The following CNTN5 variants were observed in gnomAD, a reference collection of about 807,000 sequenced individuals.
The protein encoded by CNTN5 is contactin-5.
Under a neutral mutation model 129.1 loss-of-function variants are expected in CNTN5, and 77 were observed. The observed-to-expected ratio is 0.60, with a 90% CI of 0.50 to 0.72. CNTN5 has a LOEUF of 0.72. Ranked by LOEUF, CNTN5 falls within the 30% of genes least tolerant of loss-of-function variation. The pLI, the probability that CNTN5 is intolerant of heterozygous loss-of-function variation, is 0.00. For missense variants in CNTN5, 1,478 were observed against 1,328.8 expected (o/e 1.11, Z -1.75); for synonymous variants, 509 against 465.6 (o/e 1.09, Z -1.20).
intron 6 of CNTN5, among the ~76,000 whole-genome samples, chr11:99,905,904 C>A (rs974767566): frequency 6.6e-6 from 1 of 152,042 alleles, no homozygotes; most frequent in South Asian, 2.1e-4. Context: ...TTGTAGCAAT[C>A]GTGAATGGAA....
chr11:99,182,464 A>G (rs1858126716), intron 1 of CNTN5, among the ~76,000 whole-genome samples: 2 of 150,728 alleles, frequency 1.3e-5, no homozygotes, highest in Admixed American at 1.3e-4. Flanking sequence ...TTTTTTTTTC[A>G]TAACAATTCA....
At chr11:99,717,714 A>G (rs1468815286) in intron 3 of CNTN5, among the ~76,000 whole-genome samples, 4 of 152,122 alleles carry the variant, frequency 2.6e-5, no homozygotes, top group Non-Finnish European at 4.4e-5. Flanking sequence ...AAGATGATAG[A>G]AAAATGTAAT....
intron 10 of CNTN5, among the ~76,000 whole-genome samples, chr11:100,068,155 T>A (rs970877300): frequency 6.6e-6 from 1 of 152,180 alleles, no homozygotes; most frequent in Non-Finnish European, 1.5e-5. Context: ...GGACACTGTT[T>A]CGCCTAACAT....
intron 6 of CNTN5, among the ~76,000 whole-genome samples, chr11:99,889,325 TGTGTGTGTG>T (rs1565642754): frequency 0.14 from 16,357 of 113,146 alleles, 2,166 homozygotes; most frequent in African/African-American, 0.33. Context: ...TGTGTGTGTG[TGTGTGTGTG>T]TGTGTGTGTG....
chr11:99,889,024 C>T (rs114509067), intron 6 of CNTN5, among the ~76,000 whole-genome samples: 1,553 of 152,054 alleles, frequency 0.01, 27 homozygotes, highest in African/African-American at 0.035. Context: ...CCATCACTTA[C>T]CATCATCATC....
chr11:100,340,422 A>C (rs1188568680), intron 21 of CNTN5, 41 bp from the exon 22 acceptor site: 2 of 1,475,732 alleles, frequency 1.4e-6, no homozygotes, highest in African/African-American at 1.4e-5. Context: ...AGCACAGAGG[A>C]AGCTTTAAAA....
intron 6 of CNTN5, among the ~76,000 whole-genome samples, chr11:99,896,453 T>C (rs1176862845): frequency 6.6e-6 from 1 of 152,096 alleles, no homozygotes; most frequent in Non-Finnish European, 1.5e-5. Context: ...AGCATGGGAC[T>C]CCATAGCTGA....
chr11:99,797,601 C>A (rs1460377804), intron 3 of CNTN5, among the ~76,000 whole-genome samples: 1 of 152,068 alleles, frequency 6.6e-6, no homozygotes, highest in African/African-American at 2.4e-5. Flanking sequence ...TGTTCATGTC[C>A]TTTGCCCACT....
At chr11:99,536,347 A>G (rs1467406193) in intron 2 of CNTN5, among the ~76,000 whole-genome samples, 1 of 152,158 alleles carries the variant, frequency 6.6e-6, no homozygotes, top group Non-Finnish European at 1.5e-5. Flanking sequence ...TTGGAATTAT[A>G]AAGCCTGTAA....
intron 2 of CNTN5, among the ~76,000 whole-genome samples, chr11:99,415,781 A>G (rs1360381762): frequency 1.3e-5 from 2 of 152,174 alleles, no homozygotes; most frequent in African/African-American, 4.8e-5. Flanking sequence ...TAGTCGTGCA[A>G]TCATTCCTTT....
chr11:99,526,329 G>C (rs1161083043), intron 2 of CNTN5, among the ~76,000 whole-genome samples: 3 of 152,130 alleles, frequency 2.0e-5, no homozygotes, highest in Non-Finnish European at 2.9e-5. Context: ...CCACTGTGTG[G>C]TCTCCTTTGA....
chr11:99,610,538 C>A (rs1474858428), intron 3 of CNTN5, among the ~76,000 whole-genome samples: 1 of 152,142 alleles, frequency 6.6e-6, no homozygotes, highest in Non-Finnish European at 1.5e-5. Context: ...AGAAGTCGAA[C>A]TATTACTTCA....
rs113803704 is a variant in CNTN5, at chr11:99,475,797, T to C, written c.-70-80348T>C. On this transcript the variant is annotated intron_variant, in intron 2 of 24. Transcript: ENST00000524871. ...TTTTGTCTAATGCTTTTTTTTTCGT[T>C]TTTGGATGGTTTCTATTTCCCTCTT... Among the ~76,000 whole-genome samples the C allele has an allele frequency of 9.8e-3, 1,497 of 152,166 alleles. 25 individuals carry two copies. Among genetic ancestry groups the C allele is most frequent in the African/African-American group, 0.034 (1,398 of 41,544 alleles).
chr11:100,074,977 A>C (rs965172932), intron 13 of CNTN5, among the ~76,000 whole-genome samples: 1 of 152,172 alleles, frequency 6.6e-6, no homozygotes, highest in East Asian at 1.9e-4. Context: ...TTGGTATTAC[A>C]AATGGTGATT....
chr11:100,349,674 T>G (rs1057032521), intron 23 of CNTN5, among the ~76,000 whole-genome samples: 7 of 151,858 alleles, frequency 4.6e-5, no homozygotes, highest in African/African-American at 1.4e-4. Flanking sequence ...CATTTTTCTT[T>G]CCATTGTACA....
intron 1 of CNTN5, among the ~76,000 whole-genome samples, chr11:99,255,655 C>G (rs541880764): frequency 1.8e-4 from 27 of 151,476 alleles, no homozygotes; most frequent in African/African-American, 6.3e-4. Context: ...AAATAAAGAG[C>G]TAGTTTCTAA....
chr11:99,837,880 T>TA (rs918856463), intron 4 of CNTN5, among the ~76,000 whole-genome samples: 16 of 152,184 alleles, frequency 1.1e-4, no homozygotes, highest in Admixed American at 2.6e-4. Context: ...AAGCTAAAAG[T>TA]AAAAAAACTT....
rs768945873 is a variant in CNTN5 at position 99,393,332 on chromosome 11, A to G, written c.-71+67848A>G. ...ACAAGCATGGATTGGAGACAGAACC[A>G]GTAGGTTGGTGGTAAATTAAAGAGT... is the stretch of plus-strand genomic sequence containing the variant. On this transcript the variant is annotated intron_variant, in intron 2 of 24. Transcript: ENST00000524871. Among the ~76,000 whole-genome samples, 7 of 151,866 alleles carry G rather than the reference A, an allele frequency of 4.6e-5. No individual in the cohort carries two copies. The South Asian group carries it at 6.2e-4, about 13-fold the overall frequency.
At chr11:100,014,365 T>A (rs180721808) in intron 9 of CNTN5, among the ~76,000 whole-genome samples, 31 of 152,202 alleles carry the variant, frequency 2.0e-4, no homozygotes, top group Admixed American at 2.0e-3. Context: ...CCCCTCTCCA[T>A]TTTATTCTAT....
Sources: gnomAD v4.1 joint callset for allele counts (sites outside exome capture counted in the v4.1 genomes callset) on GRCh38, gnomAD v4.1.1 for gene constraint, MANE v1.5 for transcripts, NCBI Gene and HGNC (gene_info 2026-07-23, HGNC 2026-07-21) for gene names.